The following MYPN variants were observed in gnomAD, a reference collection of about 807,000 sequenced individuals.
The protein encoded by MYPN is sarcomeric protein myopalladin, 145 kDa (MYOP).
MYPN carries 63 observed loss-of-function variants against 129.4 expected under a neutral mutation model. The ratio of observed to expected loss-of-function variants is 0.49; its 90% CI spans 0.40 to 0.60. MYPN has a LOEUF of 0.60. MYPN is among the 20% of genes least tolerant of loss of function. The probability of loss-of-function intolerance (pLI) is 0.00; values close to 1 mark genes in which losing one functional copy is unlikely to be tolerated. For missense variants in MYPN, 1,596 were observed against 1,635.4 expected, an observed-to-expected ratio of 0.98 and a Z score of 0.42; for synonymous variants, 629 against 600.9, an observed-to-expected ratio of 1.05 and a Z score of -0.68.
At chr10:68,114,560 G>A (rs1235031264) in intron 1 of MYPN, among the ~76,000 whole-genome samples, 1 of 151,944 alleles carries the variant, frequency 6.6e-6, no homozygotes, top group Non-Finnish European at 1.5e-5. Context: ...TGTTGACCAG[G>A]CTGGTCTCGA....
In MYPN at chr10:68,122,684, C is replaced by T. The variant is rs577873200; in HGVS notation, c.902+344C>T. On this transcript the variant is annotated intron_variant, in intron 2 of 19. Coordinates refer to ENST00000358913, the MANE Select transcript of MYPN (RefSeq NM_032578.4). ...TGGGAGGTCAAGGCCAGCCGATCAC[C>T]TGAGGTCGGGAGCTCGAGACCAGCC... is the stretch of plus-strand genomic sequence containing the variant. Among the ~76,000 whole-genome samples, 4 of 151,532 alleles carry T rather than the reference C, an allele frequency of 2.6e-5. No homozygotes were observed. In the East Asian group the frequency reaches 7.9e-4, roughly 30 times the overall value.
chr10:68,173,997 C>T (rs143325549), intron 10 of MYPN, 69 bp from the exon 11 acceptor site: 3 of 1,257,556 alleles, frequency 2.4e-6, no homozygotes, highest in Non-Finnish European at 3.5e-6. Flanking sequence ...TCTGTCTGAA[C>T]ATTGTTTGAA....
intron 6 of MYPN, among the ~76,000 whole-genome samples, chr10:68,157,604 T>C (rs1176909645): frequency 7.3e-6 from 1 of 136,730 alleles, no homozygotes; most frequent in African/African-American, 2.8e-5. Flanking sequence ...GAGGCCGAGG[T>C]GGGTGGATCA....
chr10:68,143,985 C>T (rs1315500489), intron 3 of MYPN, among the ~76,000 whole-genome samples: 1 of 152,028 alleles, frequency 6.6e-6, no homozygotes, highest in African/African-American at 2.4e-5. Flanking sequence ...GGACTCCTCA[C>T]CTCAAGTGAT....
At chr10:68,201,412 A>C (rs1402362191) in intron 17 of MYPN, among the ~76,000 whole-genome samples, 1 of 152,176 alleles carries the variant, frequency 6.6e-6, no homozygotes. Flanking sequence ...CACTCTGCTG[A>C]ATTCCAGAAC....
intron 1 of MYPN, among the ~76,000 whole-genome samples, chr10:68,099,955 G>A (rs772041727): frequency 2.6e-5 from 4 of 152,144 alleles, no homozygotes; most frequent in Non-Finnish European, 5.9e-5. Flanking sequence ...GGGCTTCGGC[G>A]TTGTATGGAC....
chr10:68,197,273 A>C (rs962421301), intron 15 of MYPN, 79 bp from the exon 16 acceptor site: 1 of 1,541,092 alleles, frequency 6.5e-7, no homozygotes, highest in Non-Finnish European at 8.9e-7. Flanking sequence ...CTAGGTCTGT[A>C]GCCATGCCTA....
At chr10:68,186,933 G>A (rs1242859655) in intron 12 of MYPN, among the ~76,000 whole-genome samples, 1 of 152,140 alleles carries the variant, frequency 6.6e-6, no homozygotes, top group Admixed American at 6.5e-5. Context: ...TGATGGGCAG[G>A]CTATGGCAGG....
At chr10:68,197,838 T>C (rs898374673) in intron 16 of MYPN, among the ~76,000 whole-genome samples, 1 of 151,562 alleles carries the variant, frequency 6.6e-6, no homozygotes, top group African/African-American at 2.4e-5. Context: ...TACTGAGCCC[T>C]ATATATACTA....
chr10:68,136,597 T>C, intron 2 of MYPN: 17 of 1,504,368 alleles, frequency 1.1e-5, no homozygotes, highest in Non-Finnish European at 1.3e-5. Flanking sequence ...ATTGTTTTTT[T>C]AGGCCTGCTG....
In MYPN at chr10:68,199,455, G is replaced by A. The variant is rs1307761860; in HGVS notation, c.3373G>A (p.Glu1125Lys). 4 of 1,614,176 alleles carry A rather than the reference G, an allele frequency of 2.5e-6. No individual in the cohort carries two copies. The Admixed American group carries it at 6.7e-5, about 27-fold the overall frequency. ...TGCCTCCCACAAGATGCTGGTCAGGGAGACCGGAGTCCACTCTCTGCTCAT... is the reference window on the plus strand; with the variant it reads ...TGCCTCCCACAAGATGCTGGTCAGGAAGACCGGAGTCCACTCTCTGCTCAT... ...PDASHKMLVR[E>K]TGVHSLLIDP... Residue 1125 changes from glutamate to lysine, a missense_variant, in exon 17 of 20, where the codon GAG (glutamate) becomes AAG (lysine). Coordinates refer to ENST00000358913, the MANE Select transcript of MYPN (RefSeq NM_032578.4).
intron 18 of MYPN, among the ~76,000 whole-genome samples, chr10:68,203,741 A>C (rs10998019): frequency 8.0e-4 from 120 of 150,506 alleles, no homozygotes; most frequent in South Asian, 1.9e-3. Flanking sequence ...AGAGAGAGAG[A>C]GAGAGATACA....
intron 6 of MYPN, among the ~76,000 whole-genome samples, chr10:68,154,706 C>T (rs1027607711): frequency 2.0e-5 from 3 of 152,202 alleles, no homozygotes; most frequent in South Asian, 2.1e-4. Flanking sequence ...AATGGCAAAA[C>T]GAACCTTGTA....
intron 17 of MYPN, 61 bp downstream of exon 17, chr10:68,199,636 C>T: frequency 6.5e-7 from 1 of 1,531,272 alleles, no homozygotes. Flanking sequence ...CCCAAAGAGG[C>T]AGAGCCTCTG....
In MYPN at chr10:68,194,242, T is replaced by C. The variant is rs960447773; in HGVS notation, c.2926-121T>C. ...ATATGTTTTATAACTTTTTTTCAAG[T>C]GCTTCATAAAGTATGGTCACTTAAA... is the stretch of plus-strand genomic sequence containing the variant. On this transcript the variant is annotated intron_variant, in intron 13 of 19. Transcript: ENST00000358913. 3 of 1,016,906 alleles carry C rather than the reference T, an allele frequency of 3.0e-6. No homozygotes were observed. The East Asian group carries it at 8.0e-5, about 27-fold the overall frequency. The allele number at this position is 1,016,906 out of a possible 1,614,324, so 63.0% of individuals were successfully genotyped here.
chr10:68,208,679 G>A (rs1180469909), intron 19 of MYPN, among the ~76,000 whole-genome samples: 2 of 152,002 alleles, frequency 1.3e-5, no homozygotes, highest in African/African-American at 4.8e-5. Flanking sequence ...TCTCCCTTTC[G>A]TTCCTGTCCT....
Position 68,175,430 on chromosome 10 carries a change from T to C in MYPN, c.2672T>C (p.Ile891Thr), listed in dbSNP as rs2043212796. The C allele has an allele frequency of 6.2e-7, 1 of 1,613,996 alleles. No individual in the cohort carries two copies. Among genetic ancestry groups the C allele is most frequent in the Non-Finnish European group, 8.5e-7 (1 of 1,179,996 alleles). The change falls in exon 12 of 20, where the codon ATA becomes ACA. Residue 891 changes from isoleucine (I) to threonine (T), a missense_variant. By Grantham distance (89) the Ile-to-Thr change is moderately conservative (BLOSUM62 -1). Transcript: ENST00000358913. ...NAVIRDLGKK[I>T]TFSDVRPNQQ... ...GTGATTCGAGACTTGGGGAAAAAAA[T>C]AACTTTCAGTGATGTCAGACCAAAC...
In MYPN at chr10:68,209,459, G is replaced by A. The variant is rs543995914; in HGVS notation, c.3794-827G>A. ...AGGTAATGACTGATTAGGGTGATTA[G>A]GGTGTGAGGTAGGCACTGCTCAGAG... On this transcript the variant is annotated intron_variant, in intron 19 of 19. Coordinates refer to ENST00000358913, the MANE Select transcript of MYPN (RefSeq NM_032578.4). Among the ~76,000 whole-genome samples the A allele has an allele frequency of 2.6e-5, 4 of 152,254 alleles. No individual in the cohort carries two copies. The South Asian group carries it at 6.2e-4, about 24-fold the overall frequency.
intron 1 of MYPN, among the ~76,000 whole-genome samples, chr10:68,100,630 T>TA (rs769725742): frequency 6.8e-4 from 103 of 152,194 alleles, no homozygotes; most frequent in Non-Finnish European, 9.9e-4. Context: ...CAGAAAAAAA[T>TA]AGTAGTAAGC....
Sources: allele counts gnomAD v4.1 joint callset (sites outside exome capture counted in the v4.1 genomes callset), GRCh38; gene constraint gnomAD v4.1.1; transcripts MANE v1.5; gene names NCBI Gene and HGNC (gene_info 2026-07-23, HGNC 2026-07-21).